The following HTT variants were observed in gnomAD, a reference collection of about 807,000 sequenced individuals.
The protein encoded by HTT is huntington disease protein.
Under a neutral mutation model 362.3 loss-of-function variants are expected in HTT, and 104 were observed. The ratio of observed to expected loss-of-function variants is 0.29; its 90% CI spans 0.24 to 0.34. HTT has a LOEUF of 0.34. HTT is among the 10% of genes least tolerant of loss of function. HTT has a pLI of 1.00. For synonymous variants in HTT, 1,577 were observed against 1,548.7 expected, an observed-to-expected ratio of 1.02 and a Z score of -0.43; for missense variants, 3,301 against 3,928.6, an observed-to-expected ratio of 0.84 and a Z score of 4.27.
At chr4:3,141,630 C>T (rs1337009023) in intron 22 of HTT, among the ~76,000 whole-genome samples, 3 of 152,176 alleles carry the variant, frequency 2.0e-5, no homozygotes, top group East Asian at 1.9e-4. Context: ...GGCGTGGTGG[C>T]GGGCCCCTGT....
chr4:3,222,330 C>G, intron 53 of HTT, 57 bp from the exon 54 acceptor site: 4 of 1,483,562 alleles, frequency 2.7e-6, no homozygotes, highest in Non-Finnish European at 3.8e-6. Flanking sequence ...GCTGTCAGCT[C>G]TCCGTTACAG....
intron 9 of HTT, 137 bp from the exon 10 acceptor site, chr4:3,122,752 G>A (rs1008479798): frequency 5.5e-5 from 33 of 597,262 alleles, no homozygotes; most frequent in Admixed American, 3.2e-4. Context: ...GTTGAACTGC[G>A]ATGTTAAGTG....
rs1182913933 is a variant in HTT, at chr4:3,130,338, G to A, written c.1901G>A (p.Ser634Asn). ...CAGGCACATTTATTGAAAAACATGA[G>A]TCACTGCAGGCAGCCTTCTGACAGC... ...LQQAHLLKNM[S>N]HCRQPSDSSV... Residue 634 changes from serine to asparagine, a missense_variant, in exon 14 of 67, where the codon AGT becomes AAT. Ser to Asn is a conservative substitution (Grantham distance 46). Transcript: ENST00000355072. 6.2e-7 allele frequency: 1 copy of A among 1,602,166 alleles called. No individual in the cohort carries two copies. The highest frequency in any genetic ancestry group is 8.5e-7 in the Non-Finnish European group (1 of 1,172,796).
At chr4:3,120,008 T>A (rs959364827) in intron 8 of HTT, among the ~76,000 whole-genome samples, 1 of 152,234 alleles carries the variant, frequency 6.6e-6, no homozygotes, top group African/African-American at 2.4e-5. Flanking sequence ...GGTGAAACTT[T>A]AGGTACAAAA....
At chr4:3,186,540 G>T in intron 37 of HTT, 57 bp from the exon 38 acceptor site, 1 of 1,593,586 alleles carries the variant, frequency 6.3e-7, no homozygotes, top group Non-Finnish European at 8.6e-7. Context: ...CTGGTGTACA[G>T]GAAGCTGTCG....
intron 2 of HTT, among the ~76,000 whole-genome samples, chr4:3,091,302 T>C (rs1386684377): frequency 2.0e-5 from 3 of 152,236 alleles, no homozygotes; most frequent in South Asian, 2.1e-4. Context: ...GATACATTTC[T>C]CTGACTTTGG....
intron 29 of HTT, among the ~76,000 whole-genome samples, chr4:3,163,913 G>A (rs1717573204): frequency 6.6e-6 from 1 of 151,496 alleles, no homozygotes; most frequent in African/African-American, 2.4e-5. Flanking sequence ...TTTTTTTCGT[G>A]TCTCTATCTC....
Position 3,173,178 on chromosome 4 carries a change from G to T in HTT, c.4166+47G>T, listed in dbSNP as rs753203163. The T allele has an allele frequency of 3.1e-5, 45 of 1,457,764 alleles. No homozygotes were observed. In the Admixed American group the frequency reaches 6.9e-4, roughly 22 times the overall value. 90.3% of individuals were successfully genotyped at this position (1,457,764 alleles called of 1,614,324 possible). ...CTGTCGTTGGTGGAAGCACGAAAGAGCAAGCAGGAAATACTTTGTAAAAGA... is the reference window on the plus strand; with the variant it reads ...CTGTCGTTGGTGGAAGCACGAAAGATCAAGCAGGAAATACTTTGTAAAAGA... On this transcript the variant is annotated intron_variant, in intron 31 of 66. Coordinates refer to ENST00000355072, the MANE Select transcript of HTT (RefSeq NM_001388492.1).
chr4:3,210,783 G>C (rs1444951242), intron 47 of HTT, among the ~76,000 whole-genome samples: 1 of 152,176 alleles, frequency 6.6e-6, no homozygotes, highest in African/African-American at 2.4e-5. Flanking sequence ...AGTGACGGCA[G>C]GTGTTCATGA....
chr4:3,186,772 T>C, intron 38 of HTT, 53 bp downstream of exon 38: 2 of 1,591,448 alleles, frequency 1.3e-6, no homozygotes, highest in East Asian at 2.3e-5. Flanking sequence ...GTTCAGGCTC[T>C]GATTACTGGG....
chr4:3,236,495 A>G (rs1721540418), intron 64 of HTT, among the ~76,000 whole-genome samples: 1 of 152,124 alleles, frequency 6.6e-6, no homozygotes, highest in Non-Finnish European at 1.5e-5. Flanking sequence ...GTGCCTGCCC[A>G]TCTCTCCTGA....
chr4:3,192,030 G>T (rs1216823032), intron 40 of HTT, among the ~76,000 whole-genome samples: 2 of 152,142 alleles, frequency 1.3e-5, no homozygotes, highest in Non-Finnish European at 2.9e-5. Context: ...GTATATTTAT[G>T]CATCTCAGCT....
chr4:3,086,913 A>C (rs769558476), intron 1 of HTT, 26 bp from the exon 2 acceptor site: 9 of 1,352,232 alleles, frequency 6.7e-6, no homozygotes, highest in Non-Finnish European at 9.5e-6. Context: ...AACACATATT[A>C]ATTTCCTTCT....
At chr4:3,167,463 CA>C (rs1460797975) in intron 29 of HTT, among the ~76,000 whole-genome samples, 1 of 152,094 alleles carries the variant, frequency 6.6e-6, no homozygotes, top group African/African-American at 2.4e-5. Flanking sequence ...CACATTTTAG[CA>C]AAATGGAAAA....
rs1378068985 is a variant in HTT, at chr4:3,240,630, A to AT, written c.*572dup. The AT allele has an allele frequency of 6.4e-6, 1 of 157,298 alleles. No homozygotes were observed. Among genetic ancestry groups the AT allele is most frequent in the Non-Finnish European group, 1.4e-5 (1 of 70,954 alleles). The allele number at this position is 157,298 out of a possible 1,614,324, so 9.7% of individuals were successfully genotyped here. A position where few individuals can be genotyped will look rare whatever the true frequency, so the allele number is the denominator to read the frequency against. On this transcript the variant is annotated 3_prime_UTR_variant, in exon 67 of 67. Coordinates refer to ENST00000355072, the MANE Select transcript of HTT (RefSeq NM_001388492.1). ...TCTTCTCAGGATTTAAAATTTAATT[A>AT]TATCAGTAAAGAGATTAATTTTAAC...
At position 3,178,311 on chromosome 4, in the gene HTT, A is replaced by G. The variant is rs765822494; in HGVS notation, c.4477A>G (p.Ile1493Val). The G allele has an allele frequency of 9.9e-5, 159 of 1,608,166 alleles. No individual in the cohort carries two copies. The highest frequency in any genetic ancestry group is 1.3e-4 in the Non-Finnish European group (152 of 1,175,202). Residue 1493 changes from isoleucine to valine, a missense_variant, in exon 35 of 67, where the codon ATC becomes GTC. Transcript: ENST00000355072. ...EVGQFRESEAIIPNIFFFLVL... is the reference protein window; with the variant it reads ...EVGQFRESEAVIPNIFFFLVL... Reference sequence around the variant, plus strand: ...TTTTGTTTTTAGGGAATCAGAGGCAATCATTCCAAACATCTTTTTCTTCTT... The same window carrying G: ...TTTTGTTTTTAGGGAATCAGAGGCAGTCATTCCAAACATCTTTTTCTTCTT...
intron 40 of HTT, among the ~76,000 whole-genome samples, chr4:3,196,227 CCTT>C (rs1358034188): frequency 6.6e-6 from 1 of 152,126 alleles, no homozygotes; most frequent in African/African-American, 2.4e-5. Flanking sequence ...AGTGATGAAT[CCTT>C]CTCATGAGCC....
chr4:3,189,663 A>G (rs369020036), intron 40 of HTT, among the ~76,000 whole-genome samples: 8 of 152,226 alleles, frequency 5.3e-5, no homozygotes, highest in Admixed American at 2.6e-4. Context: ...GTTATTCTAG[A>G]AATGAATGGT....
intron 47 of HTT, among the ~76,000 whole-genome samples, chr4:3,210,380 C>T (rs1453493413): frequency 2.0e-5 from 3 of 152,182 alleles, no homozygotes; most frequent in African/African-American, 4.8e-5. Flanking sequence ...AACACAGTGT[C>T]GTAATGCGTG....
Sources: gnomAD v4.1 joint callset for allele counts (sites outside exome capture counted in the v4.1 genomes callset) on GRCh38, gnomAD v4.1.1 for gene constraint, MANE v1.5 for transcripts, NCBI Gene and HGNC (gene_info 2026-07-23, HGNC 2026-07-21) for gene names.